RABGAP1L: variants seen among roughly 807,000 people sequenced by gnomAD.
The protein encoded by RABGAP1L is RAB GTPase activating protein 1 like.
RABGAP1L carries 63 observed loss-of-function variants against 137.7 expected under a neutral mutation model. The ratio of observed to expected loss-of-function variants is 0.46; its 90% CI spans 0.37 to 0.56. The LOEUF is 0.56. Among genes scored for constraint, RABGAP1L ranks in the 20% least tolerant of loss-of-function variants. The pLI is 0.00. For missense variants in RABGAP1L, 1,095 were observed against 1,244.0 expected, an observed-to-expected ratio of 0.88 and a Z score of 1.80; for synonymous variants, 431 against 433.7, an observed-to-expected ratio of 0.99 and a Z score of 0.08.
rs933828946 is a variant in RABGAP1L at position 174,915,991 on chromosome 1, A to T, written c.2341-41466A>T. The stretch of plus-strand genomic sequence containing the variant: ...CTAATAAATCTTGGCCTAATCCAAG[A>T]CTGCAAAGACTTTCTCTTATGTTTT... On this transcript the variant is annotated intron_variant, in intron 19 of 25. Coordinates refer to ENST00000681986, the MANE Select transcript of RABGAP1L (RefSeq NM_001366446.1). Among the ~76,000 whole-genome samples, 12 of 151,648 alleles carry T rather than the reference A, an allele frequency of 7.9e-5. No individual in the cohort carries two copies. In the East Asian group the frequency reaches 9.7e-4, roughly 12 times the overall value.
intron 12 of RABGAP1L, among the ~76,000 whole-genome samples, chr1:174,378,004 CA>C (rs1047185296): frequency 1.8e-4 from 25 of 135,336 alleles, no homozygotes; most frequent in Non-Finnish European, 3.7e-4. Context: ...TCTCATTGTT[CA>C]ATTCTCACCT....
At chr1:174,172,874 T>G (rs1347059836) in intron 1 of RABGAP1L, among the ~76,000 whole-genome samples, 1 of 152,156 alleles carries the variant, frequency 6.6e-6, no homozygotes, top group Non-Finnish European at 1.5e-5. Flanking sequence ...CTTATTTATT[T>G]TTGCTTTTGT....
chr1:174,821,031 A>G (rs551485154), intron 19 of RABGAP1L, among the ~76,000 whole-genome samples: 30 of 152,224 alleles, frequency 2.0e-4, no homozygotes, highest in Non-Finnish European at 1.5e-5. Context: ...AGAAAAAAAA[A>G]AAAAAACTGC....
intron 14 of RABGAP1L, among the ~76,000 whole-genome samples, chr1:174,680,966 G>A (rs1264472111): frequency 6.6e-6 from 1 of 152,058 alleles, no homozygotes; most frequent in Admixed American, 6.6e-5. Context: ...TGTATCAATT[G>A]TCTAAAAGTA....
intron 19 of RABGAP1L, among the ~76,000 whole-genome samples, chr1:174,826,794 T>C (rs1157777540): frequency 6.6e-6 from 1 of 152,222 alleles, no homozygotes; most frequent in Non-Finnish European, 1.5e-5. Flanking sequence ...CTCTGCGGCC[T>C]CGCCAACATC....
chr1:174,231,784 G>A (rs750941441), intron 4 of RABGAP1L, among the ~76,000 whole-genome samples: 2 of 152,056 alleles, frequency 1.3e-5, no homozygotes, highest in South Asian at 2.1e-4. Flanking sequence ...GGTGCCACAC[G>A]CTTTTAAACA....
chr1:174,573,094 T>C (rs2148056040), intron 13 of RABGAP1L, among the ~76,000 whole-genome samples: 1 of 152,274 alleles, frequency 6.6e-6, no homozygotes, highest in Non-Finnish European at 1.5e-5. Context: ...AGCTAGTATT[T>C]TTAAAATCAT....
chr1:174,458,304 A>T (rs1251803978), intron 13 of RABGAP1L, among the ~76,000 whole-genome samples: 1 of 151,988 alleles, frequency 6.6e-6, no homozygotes, highest in African/African-American at 2.4e-5. Flanking sequence ...TTTACTTTAC[A>T]GAAAAAAATT....
chr1:174,852,861 A>T (rs997861237), intron 19 of RABGAP1L, among the ~76,000 whole-genome samples: 1 of 152,028 alleles, frequency 6.6e-6, no homozygotes, highest in Non-Finnish European at 1.5e-5. Flanking sequence ...ATGAAGAAAA[A>T]TTTAAACAAC....
chr1:174,574,499 C>G (rs1232686141), intron 13 of RABGAP1L, among the ~76,000 whole-genome samples: 1 of 152,090 alleles, frequency 6.6e-6, no homozygotes, highest in African/African-American at 2.4e-5. Context: ...AGAAATTTGT[C>G]TCTCCTATTG....
At position 174,422,872 on chromosome 1, in the gene RABGAP1L, C is replaced by T. The variant is rs565209642; in HGVS notation, c.1710+28727C>T. Among the ~76,000 whole-genome samples the T allele has an allele frequency of 1.3e-4, 19 of 146,184 alleles. No individual in the cohort carries two copies. In the South Asian group the frequency reaches 1.5e-3, roughly 12 times the overall value. ...TGAGGCACGAGAATCGCTTGAACCCCGGAGGTGGAGGTTGCAGTGAGCCGA... is the reference window on the plus strand; with the variant it reads ...TGAGGCACGAGAATCGCTTGAACCCTGGAGGTGGAGGTTGCAGTGAGCCGA... On this transcript the variant is annotated intron_variant, in intron 13 of 25. Coordinates refer to ENST00000681986, the MANE Select transcript of RABGAP1L (RefSeq NM_001366446.1).
At chr1:174,268,700 T>C (rs1674291703) in intron 7 of RABGAP1L, among the ~76,000 whole-genome samples, 1 of 152,156 alleles carries the variant, frequency 6.6e-6, no homozygotes, top group South Asian at 2.1e-4. Context: ...TTTCTCACTT[T>C]TTCCTGCAGT....
At chr1:174,727,948 C>T (rs1682130683) in intron 17 of RABGAP1L, among the ~76,000 whole-genome samples, 1 of 152,152 alleles carries the variant, frequency 6.6e-6, no homozygotes, top group Admixed American at 6.5e-5. Context: ...CAGAGTCTGT[C>T]TCCAGAAGAC....
chr1:174,498,242 C>T (rs1021285974), intron 13 of RABGAP1L, among the ~76,000 whole-genome samples: 8 of 151,918 alleles, frequency 5.3e-5, no homozygotes, highest in Non-Finnish European at 8.8e-5. Flanking sequence ...GTAAACCTAA[C>T]TACATATATT....
chr1:174,238,810 C>CCGG (rs1243158745), intron 4 of RABGAP1L: 1 of 150,684 alleles, frequency 6.6e-6, no homozygotes, highest in Non-Finnish European at 1.5e-5. Flanking sequence ...TTCGAGCTTC[C>CCGG]CGGCTGCTTT....
chr1:174,915,439 T>C (rs1448714461), intron 19 of RABGAP1L, among the ~76,000 whole-genome samples: 1 of 152,074 alleles, frequency 6.6e-6, no homozygotes, highest in Admixed American at 6.6e-5. Context: ...TTTGGTAAAA[T>C]GTCTGTTCAG....
chr1:174,277,231 CTTTTCA>C (rs1372883260), intron 9 of RABGAP1L, among the ~76,000 whole-genome samples: 1 of 151,864 alleles, frequency 6.6e-6, no homozygotes, highest in African/African-American at 2.4e-5. Flanking sequence ...TAAAATTTAA[CTTTTCA>C]TTTATTAGCA....
chr1:174,643,930 T>C (rs1674734349), intron 14 of RABGAP1L, among the ~76,000 whole-genome samples: 1 of 134,074 alleles, frequency 7.5e-6, no homozygotes, highest in Admixed American at 7.1e-5. Flanking sequence ...TGTGTGTGTG[T>C]GTGTGTGTGT....
At chr1:174,291,988 C>T in intron 10 of RABGAP1L, among the ~76,000 whole-genome samples, 1 of 148,156 alleles carries the variant, frequency 6.7e-6, no homozygotes, top group Non-Finnish European at 1.5e-5. Flanking sequence ...ACTTGTGTTT[C>T]TTTTTCTGGC....
Sources: allele counts gnomAD v4.1 joint callset (sites outside exome capture counted in the v4.1 genomes callset), GRCh38; gene constraint gnomAD v4.1.1; transcripts MANE v1.5; gene names NCBI Gene and HGNC (gene_info 2026-07-23, HGNC 2026-07-21).